The following CTNNA2 variants were observed in gnomAD, a reference collection of about 807,000 sequenced individuals.
CTNNA2 encodes catenin alpha 2, also known as catenin alpha-2.
A neutral mutation model predicts 101.0 loss-of-function variants in CTNNA2; 42 were observed. The ratio of observed to expected loss-of-function variants is 0.42; its 90% CI spans 0.32 to 0.54. CTNNA2 has a LOEUF of 0.54. Ranked by LOEUF, CTNNA2 falls within the 20% of genes least tolerant of loss-of-function variation. The pLI is 0.14. For missense variants in CTNNA2, 871 were observed against 1,223.1 expected (o/e 0.71, Z 4.29); for synonymous variants, 450 against 456.4 (o/e 0.99, Z 0.18).
chr2:79,316,266 G>A (rs921523320), intron 3 of CTNNA2, among the ~76,000 whole-genome samples: 1 of 152,004 alleles, frequency 6.6e-6, no homozygotes, highest in East Asian at 1.9e-4. Context: ...TATATGTAAT[G>A]GTTTATTTCT....
At chr2:80,227,217 G>A (rs913513828) in intron 7 of CTNNA2, among the ~76,000 whole-genome samples, 1 of 152,114 alleles carries the variant, frequency 6.6e-6, no homozygotes, top group Non-Finnish European at 1.5e-5. Flanking sequence ...TCATGGGCCT[G>A]TGTTTCCAAG....
intron 3 of CTNNA2, among the ~76,000 whole-genome samples, chr2:79,360,694 A>C (rs1273753417): frequency 6.6e-6 from 1 of 152,226 alleles, no homozygotes; most frequent in Non-Finnish European, 1.5e-5. Context: ...CAAAAAGTCA[A>C]CAGGAAATGT....
chr2:79,435,928 A>G (rs1472173538), intron 4 of CTNNA2, among the ~76,000 whole-genome samples: 1 of 152,148 alleles, frequency 6.6e-6, no homozygotes, highest in East Asian at 1.9e-4. Flanking sequence ...TACCAATTCA[A>G]CTAAGCTTAG....
intron 1 of CTNNA2, among the ~76,000 whole-genome samples, chr2:79,623,683 A>C (rs560006939): frequency 1.5e-4 from 23 of 152,292 alleles, no homozygotes; most frequent in African/African-American, 5.1e-4. Flanking sequence ...GATGTCCCCT[A>C]TTTTAAGAAA....
chr2:80,152,330 T>TA (rs1264231842), intron 7 of CTNNA2, among the ~76,000 whole-genome samples: 17 of 152,008 alleles, frequency 1.1e-4, no homozygotes, highest in African/African-American at 3.9e-4. Flanking sequence ...TTTTTTTTTT[T>TA]TATTCCATGG....
At chr2:80,373,981 T>C (rs1025603579) in intron 7 of CTNNA2, among the ~76,000 whole-genome samples, 1 of 152,008 alleles carries the variant, frequency 6.6e-6, no homozygotes, top group African/African-American at 2.4e-5. Flanking sequence ...CAACAAACCA[T>C]TACTCTGGTA....
Position 80,024,088 on chromosome 2 carries a change from G to GAA in CTNNA2, c.1056+114310_1056+114311dup, listed in dbSNP as rs1158051768. On this transcript the variant is annotated intron_variant, in intron 7 of 18. Transcript: ENST00000402739. ...GGCGACAGAGCGAGACTCCGTCTCA[G>GAA]AAAAAAAAAAAAAAAAAAAAGTCTA... is the stretch of plus-strand genomic sequence containing the variant. Among the ~76,000 whole-genome samples, 138 of 54,650 alleles carry GAA rather than the reference G, an allele frequency of 2.5e-3. 2 individuals carry two copies. Among genetic ancestry groups the GAA allele is most frequent in the South Asian group, 7.8e-3 (14 of 1,788 alleles). 35.9% of individuals were successfully genotyped at this position (54,650 alleles called of 152,430 possible).
rs554296214 is a variant in CTNNA2 at position 80,499,475 on chromosome 2, A to G, written c.1291-45507A>G. On this transcript the variant is annotated intron_variant, in intron 9 of 18. Coordinates refer to ENST00000402739, the MANE Select transcript of CTNNA2 (RefSeq NM_001282597.3). Reference sequence around the variant, plus strand: ...GCAGACTTGTTTGTGTGGTTGCTTTATAGTGTCATTGGCCTGAATTTTTTT... The same window carrying G: ...GCAGACTTGTTTGTGTGGTTGCTTTGTAGTGTCATTGGCCTGAATTTTTTT... Among the ~76,000 whole-genome samples, 7 of 152,122 alleles carry G rather than the reference A, an allele frequency of 4.6e-5. No individual in the cohort carries two copies. The South Asian group carries it at 1.2e-3, about 27-fold the overall frequency.
At chr2:79,787,091 G>T (rs116302505) in intron 3 of CTNNA2, among the ~76,000 whole-genome samples, 2,292 of 152,166 alleles carry the variant, frequency 0.015, 52 homozygotes, top group African/African-American at 0.051. Flanking sequence ...ATAAAGAATT[G>T]TGTCCAAAAC....
At chr2:80,069,866 G>A (rs1698217950) in intron 7 of CTNNA2, among the ~76,000 whole-genome samples, 1 of 152,170 alleles carries the variant, frequency 6.6e-6, no homozygotes, top group Admixed American at 6.5e-5. Context: ...AACCTGTCAT[G>A]CATTTTTATG....
intron 4 of CTNNA2, among the ~76,000 whole-genome samples, chr2:79,437,763 T>G (rs1678733107): frequency 6.6e-6 from 1 of 152,188 alleles, no homozygotes; most frequent in Non-Finnish European, 1.5e-5. Flanking sequence ...TTCACTTTCT[T>G]TTTCATCCTG....
chr2:80,017,435 T>G (rs1694232611), intron 7 of CTNNA2, among the ~76,000 whole-genome samples: 1 of 151,974 alleles, frequency 6.6e-6, no homozygotes, highest in South Asian at 2.1e-4. Context: ...TACATTGAGA[T>G]ATATATACGT....
intron 9 of CTNNA2, among the ~76,000 whole-genome samples, chr2:80,454,462 C>A (rs1158205521): frequency 3.9e-5 from 6 of 152,036 alleles, no homozygotes; most frequent in Non-Finnish European, 7.4e-5. Flanking sequence ...TAGTCCATCC[C>A]CAAAGAGACA....
chr2:80,163,046 C>G lies in CTNNA2; in HGVS notation c.1057-230165C>G, dbSNP rs185150836. On this transcript the variant is annotated intron_variant, in intron 7 of 18. Transcript: ENST00000402739. Reference sequence around the variant, plus strand: ...AAAGTTTGATTCCATTAAGTAGATTCATTGCATAAGGAACAGATACTTCAT... The same window carrying G: ...AAAGTTTGATTCCATTAAGTAGATTGATTGCATAAGGAACAGATACTTCAT... The G allele has an allele frequency of 9.5e-5, 149 of 1,564,624 alleles. No homozygotes were observed. In the African/African-American group the frequency reaches 1.9e-3, roughly 20 times the overall value.
chr2:79,272,949 G>A (rs1573011272), intron 2 of CTNNA2, among the ~76,000 whole-genome samples: 1 of 151,984 alleles, frequency 6.6e-6, no homozygotes, highest in East Asian at 1.9e-4. Flanking sequence ...GACAAACATT[G>A]GCTTAGATTA....
intron 3 of CTNNA2, among the ~76,000 whole-genome samples, chr2:79,840,333 T>C (rs1427714431): frequency 6.6e-6 from 1 of 152,242 alleles, no homozygotes; most frequent in Admixed American, 6.5e-5. Context: ...CATTCTCCTA[T>C]TCCTTGTGTG....
chr2:79,311,118 G>A (rs981289766), intron 2 of CTNNA2, among the ~76,000 whole-genome samples: 1 of 152,194 alleles, frequency 6.6e-6, no homozygotes, highest in African/African-American at 2.4e-5. Flanking sequence ...AAATTACTTA[G>A]TTGGTGATTG....
intron 7 of CTNNA2, among the ~76,000 whole-genome samples, chr2:79,940,987 A>C (rs571392665): frequency 2.0e-5 from 3 of 152,290 alleles, no homozygotes; most frequent in African/African-American, 7.2e-5. Flanking sequence ...CTTTATCCCA[A>C]AAGAGTGATC....
At chr2:79,243,816 C>A (rs1572996205) in intron 2 of CTNNA2, among the ~76,000 whole-genome samples, 1 of 152,090 alleles carries the variant, frequency 6.6e-6, no homozygotes, top group East Asian at 1.9e-4. Flanking sequence ...GAATAGGGAA[C>A]AGAATGGGAG....
Sources: allele counts gnomAD v4.1 joint callset (sites outside exome capture counted in the v4.1 genomes callset), GRCh38; gene constraint gnomAD v4.1.1; transcripts MANE v1.5; gene names NCBI Gene and HGNC (gene_info 2026-07-23, HGNC 2026-07-21).